The following VPS13D variants were observed in gnomAD, a reference collection of about 807,000 sequenced individuals.
VPS13D encodes the protein intermembrane lipid transfer protein VPS13D.
VPS13D carries 187 observed loss-of-function variants against 461.9 expected under a neutral mutation model. The observed-to-expected ratio is 0.40, with a 90% CI of 0.36 to 0.46. The LOEUF (loss-of-function observed/expected upper bound fraction) is 0.46. Ranked by LOEUF, VPS13D falls within the 20% of genes least tolerant of loss-of-function variation. The pLI, the probability that VPS13D is intolerant of heterozygous loss-of-function variation, is 0.60. For missense variants in VPS13D, 4,711 were observed against 5,364.9 expected (o/e 0.88, Z 3.81); for synonymous variants, 1,951 against 1,986.3 (o/e 0.98, Z 0.47).
rs11121912 is a variant in VPS13D at position 12,454,551 on chromosome 1, T to A, written c.12334-1447T>A. Among the ~76,000 whole-genome samples, 1,460 of 152,344 alleles carry A rather than the reference T, an allele frequency of 9.6e-3. 28 individuals are homozygous for A. The highest frequency in any genetic ancestry group is 0.032 in the African/African-American group (1,333 of 41,588). ...TGAGTAAAAGGCATGAGTCTTCCCA[T>A]AGCTTCTTCCAGGAACTGTTGCTTT... is the stretch of plus-strand genomic sequence containing the variant. On this transcript the variant is annotated intron_variant, in intron 65 of 69. Transcript: ENST00000620676.
intron 65 of VPS13D, among the ~76,000 whole-genome samples, chr1:12,438,113 G>A (rs1169004236): frequency 6.6e-6 from 1 of 152,034 alleles, no homozygotes; most frequent in Non-Finnish European, 1.5e-5. Flanking sequence ...CTTATGTCCT[G>A]AACTCAGTAA....
intron 23 of VPS13D, among the ~76,000 whole-genome samples, chr1:12,291,815 C>T (rs1197646077): frequency 6.6e-6 from 1 of 152,168 alleles, no homozygotes; most frequent in Admixed American, 6.5e-5. Context: ...TTCCATGTAG[C>T]TCTAAAAGTT....
Position 12,318,091 on chromosome 1 carries a change from T to C in VPS13D, c.7168T>C (p.Cys2390Arg), listed in dbSNP as rs1392461777. The C allele has an allele frequency of 6.2e-7, 1 of 1,611,942 alleles. No homozygotes were observed. Among genetic ancestry groups the C allele is most frequent in the Non-Finnish European group, 8.5e-7 (1 of 1,178,184 alleles). Residue 2390 changes from cysteine (C) to arginine (R), a missense_variant, in exon 31 of 70, where the codon TGC (cysteine) becomes CGC (arginine). By Grantham distance (180) the Cys-to-Arg change is radical. This residue lies in a region of VPS13D where 4,411 missense variants were observed against 4,937.8 expected (regional missense o/e 0.89). Transcript: ENST00000620676. The stretch of plus-strand genomic sequence containing the variant: ...TTATAGATCTACCAAGGATTCCTCC[T>C]GCTTTACAGTAGTTCTCAACAATCT... ...LHFRSTKDSSCFTVVLNNLRV... is the reference protein window; with the variant it reads ...LHFRSTKDSSRFTVVLNNLRV...
At chr1:12,446,766 G>T (rs973952181) in intron 65 of VPS13D, among the ~76,000 whole-genome samples, 15 of 152,166 alleles carry the variant, frequency 9.9e-5, no homozygotes, top group South Asian at 8.3e-4. Context: ...GGTGGAAGAG[G>T]AGACCTCTCC....
chr1:12,240,025 T>C (rs957530623), intron 2 of VPS13D, among the ~76,000 whole-genome samples: 2 of 151,930 alleles, frequency 1.3e-5, no homozygotes, highest in African/African-American at 4.8e-5. Context: ...CATATTTGAG[T>C]GGGTGGGGAC....
chr1:12,284,903 G>A (rs1361006091), intron 21 of VPS13D, among the ~76,000 whole-genome samples: 1 of 152,222 alleles, frequency 6.6e-6, no homozygotes, highest in Non-Finnish European at 1.5e-5. Flanking sequence ...TTTTGGTTTA[G>A]CAAGGTGGAT....
intron 60 of VPS13D, among the ~76,000 whole-genome samples, chr1:12,388,148 C>A (rs1644373547): frequency 6.6e-6 from 1 of 152,158 alleles, no homozygotes; most frequent in Non-Finnish European, 1.5e-5. Context: ...AAATGGAAGT[C>A]TATTAGTGTA....
At chr1:12,251,754 A>T (rs1638564418) in intron 6 of VPS13D, among the ~76,000 whole-genome samples, 1 of 152,168 alleles carries the variant, frequency 6.6e-6, no homozygotes, top group Non-Finnish European at 1.5e-5. Flanking sequence ...CTGCATCAAA[A>T]CGTTCAGCAG....
At chr1:12,360,178 C>T (rs1379063578) in intron 50 of VPS13D, among the ~76,000 whole-genome samples, 1 of 152,300 alleles carries the variant, frequency 6.6e-6, no homozygotes, top group Non-Finnish European at 1.5e-5. Flanking sequence ...TTTTGTTGAT[C>T]CACCTAGGGA....
chr1:12,257,872 G>T, intron 9 of VPS13D, 63 bp from the exon 10 acceptor site: 1 of 1,592,640 alleles, frequency 6.3e-7, no homozygotes, highest in South Asian at 1.1e-5. Flanking sequence ...GATTGTCCTG[G>T]ATTGGTAGCC....
intron 67 of VPS13D, among the ~76,000 whole-genome samples, chr1:12,483,626 TGTAA>T (rs1285227665): frequency 1.3e-5 from 2 of 152,206 alleles, no homozygotes; most frequent in African/African-American, 4.8e-5. Flanking sequence ...ATTCCGTTCC[TGTAA>T]GTTAGAATCT....
At chr1:12,457,935 C>G (rs750220651) in intron 66 of VPS13D, among the ~76,000 whole-genome samples, 1 of 152,238 alleles carries the variant, frequency 6.6e-6, no homozygotes, top group Non-Finnish European at 1.5e-5. Flanking sequence ...ACATTGGACT[C>G]TTAGAAGACT....
Position 12,247,163 on chromosome 1 carries a change from C to T in VPS13D, c.448-2060C>T, listed in dbSNP as rs149010796. On this transcript the variant is annotated intron_variant, in intron 5 of 69. Transcript: ENST00000620676. ...TTATTGATTATGGGGCTGGGCACGCCTGTAATCCCAGCACTTTGGGAGGCC... is the reference window on the plus strand; with the variant it reads ...TTATTGATTATGGGGCTGGGCACGCTTGTAATCCCAGCACTTTGGGAGGCC... Among the ~76,000 whole-genome samples the T allele has an allele frequency of 7.2e-3, 1,101 of 152,258 alleles. 7 individuals are homozygous for T. Among genetic ancestry groups the T allele is most frequent in the Non-Finnish European group, 0.011 (752 of 68,032 alleles).
Position 12,299,582 on chromosome 1 carries a change from A to G in VPS13D, c.6216+198A>G, listed in dbSNP as rs1208890244. On this transcript the variant is annotated intron_variant, in intron 25 of 69. Transcript: ENST00000620676. The surrounding 1 kb of genome is among the most constrained non-coding windows in gnomAD (Gnocchi z 4.2). ...GGTAGTGTAAATTATAACTCTTAGT[A>G]AATGTAGGTAGTAGAATTTTTTTTG... 6.6e-6 allele frequency among the ~76,000 whole-genome samples: 1 copy of G among 152,132 alleles called. No individual in the cohort carries two copies. Among genetic ancestry groups the G allele is most frequent in the Non-Finnish European group, 1.5e-5 (1 of 68,028 alleles).
chr1:12,286,681 C>T (rs1215148526), intron 21 of VPS13D, among the ~76,000 whole-genome samples: 1 of 152,118 alleles, frequency 6.6e-6, no homozygotes, highest in African/African-American at 2.4e-5. Flanking sequence ...CTGAGTGCTT[C>T]CTGTTGCATT....
In VPS13D at chr1:12,509,319, A is replaced by C. The variant is rs1421339507; in HGVS notation, c.*295A>C. ...TTAGATTGCCCTGTATTTTGTTAAC[A>C]TGTATATATGTACAACAGTGTGTTT... is the stretch of plus-strand genomic sequence containing the variant. On this transcript the variant is annotated 3_prime_UTR_variant, in exon 70 of 70. Transcript: ENST00000620676. 15 of 339,372 alleles carry C rather than the reference A, an allele frequency of 4.4e-5. 1 individual carries two copies. Among genetic ancestry groups the C allele is most frequent in the Non-Finnish European group, 7.0e-5 (13 of 184,598 alleles). 21.0% of individuals were successfully genotyped at this position (339,372 alleles called of 1,614,324 possible). A position where few individuals can be genotyped will look rare whatever the true frequency, so the allele number is the denominator to read the frequency against.
intron 55 of VPS13D, 129 bp from the exon 56 acceptor site, chr1:12,378,299 T>C: frequency 2.6e-6 from 2 of 763,362 alleles, no homozygotes; most frequent in Middle Eastern, 3.9e-4. Context: ...ATTTATATAA[T>C]GTGGAAAACG....
At chr1:12,319,389 T>C in intron 31 of VPS13D, 108 bp from the exon 32 acceptor site, 2 of 1,469,326 alleles carry the variant, frequency 1.4e-6, no homozygotes, top group Non-Finnish European at 1.9e-6. Flanking sequence ...AAAATCTTAC[T>C]GGTTCATGTT....
At chr1:12,442,315 T>C (rs112344319) in intron 65 of VPS13D, among the ~76,000 whole-genome samples, 128 of 152,356 alleles carry the variant, frequency 8.4e-4, no homozygotes, top group Non-Finnish European at 1.6e-3. Flanking sequence ...GAATTTATTA[T>C]ATATTTTATA....
Sources: gnomAD v4.1 joint callset for allele counts (sites outside exome capture counted in the v4.1 genomes callset) on GRCh38, gnomAD v4.1.1 for gene constraint, gnomAD v4.1.1 regional missense constraint, Gnocchi (gnomAD v3.1) non-coding constraint, MANE v1.5 for transcripts, NCBI Gene and HGNC (gene_info 2026-07-23, HGNC 2026-07-21) for gene names.